Variants in SH3D19 observed in about 807,000 individuals in gnomAD.
SH3D19 encodes the protein SH3 domain-containing protein 19.
A neutral mutation model predicts 112.1 loss-of-function variants in SH3D19; 58 were observed. The ratio of observed to expected loss-of-function variants is 0.52; its 90% CI spans 0.42 to 0.64. SH3D19 has a LOEUF of 0.64. SH3D19 is among the 30% of genes least tolerant of loss of function. SH3D19 has a pLI of 0.00. For missense variants in SH3D19, 1,090 were observed against 1,263.4 expected (o/e 0.86, Z 2.08); for synonymous variants, 391 against 448.5 (o/e 0.87, Z 1.62).
At chr4:151,221,356 T>C (rs1768009193) in intron 2 of SH3D19, among the ~76,000 whole-genome samples, 1 of 152,254 alleles carries the variant, frequency 6.6e-6, no homozygotes, top group African/African-American at 2.4e-5. Context: ...TTCTGCTCTG[T>C]TGATGCAGCA....
intron 1 of SH3D19, among the ~76,000 whole-genome samples, chr4:151,277,819 T>C (rs943406976): frequency 6.6e-6 from 1 of 152,158 alleles, no homozygotes; most frequent in Admixed American, 6.5e-5. Context: ...GGCGGGCAGA[T>C]CACCTGAGAT....
intron 1 of SH3D19, among the ~76,000 whole-genome samples, chr4:151,238,172 C>G (rs984386661): frequency 2.0e-5 from 3 of 152,130 alleles, no homozygotes; most frequent in Non-Finnish European, 2.9e-5. Context: ...TTAGTCCTCA[C>G]TGTCATTTTC....
In SH3D19 at chr4:151,325,366, G is replaced by A. The variant is rs1730950280; in HGVS notation, c.-14C>T. The A allele has an allele frequency of 2.5e-6, 3 of 1,194,940 alleles. No homozygotes were observed. Among genetic ancestry groups the A allele is most frequent in the South Asian group, 4.2e-5 (1 of 23,874 alleles). The allele number at this position is 1,194,940 out of a possible 1,614,324, so 74.0% of individuals were successfully genotyped here. A position where few individuals can be genotyped will look rare whatever the true frequency, so the allele number is the denominator to read the frequency against. The stretch of plus-strand genomic sequence containing the variant: ...GCCCTCAGCCATGGGCGAGGCGCGG[G>A]GCGCAGCCGCGGGATGGCCAGCGAG... On this transcript the variant is annotated 5_prime_UTR_variant, in exon 1 of 20. Transcript: ENST00000604030.
intron 1 of SH3D19, among the ~76,000 whole-genome samples, chr4:151,233,508 A>G (rs1461349336): frequency 1.3e-5 from 2 of 152,036 alleles, no homozygotes; most frequent in Non-Finnish European, 2.9e-5. Flanking sequence ...CCTTTCCTCC[A>G]ATAGTGTAGC....
chr4:151,180,048 A>C (rs1019045327), intron 3 of SH3D19, among the ~76,000 whole-genome samples: 6 of 152,064 alleles, frequency 3.9e-5, no homozygotes, highest in Non-Finnish European at 5.9e-5. Context: ...ATGCCTTGGT[A>C]ATTTTTTGTA....
intron 1 of SH3D19, among the ~76,000 whole-genome samples, chr4:151,249,387 G>A (rs1771187935): frequency 6.6e-6 from 1 of 152,120 alleles, no homozygotes; most frequent in South Asian, 2.1e-4. Context: ...TTAATTGGAT[G>A]GAGATCATAA....
chr4:151,251,008 T>TATC (rs1771335706), intron 1 of SH3D19, among the ~76,000 whole-genome samples: 1 of 152,106 alleles, frequency 6.6e-6, no homozygotes, highest in South Asian at 2.1e-4. Flanking sequence ...AGCCCTCACC[T>TATC]ATCCCTCCTC....
chr4:151,258,597 C>T (rs969328261), intron 1 of SH3D19, among the ~76,000 whole-genome samples: 3 of 152,202 alleles, frequency 2.0e-5, no homozygotes, highest in Non-Finnish European at 2.9e-5. Flanking sequence ...TTCTTACCTC[C>T]CATCACCCAC....
At chr4:151,149,652 A>G in intron 9 of SH3D19, 91 bp from the exon 10 acceptor site, 2 of 1,107,826 alleles carry the variant, frequency 1.8e-6, no homozygotes, top group South Asian at 2.8e-5. Flanking sequence ...GGCTGGATCT[A>G]CAAGTAGAAA....
At chr4:151,182,504 T>C (rs146211473) in intron 3 of SH3D19, among the ~76,000 whole-genome samples, 2,494 of 152,342 alleles carry the variant, frequency 0.016, 44 homozygotes, top group Middle Eastern at 0.034. Flanking sequence ...AGAGTGGCAC[T>C]GCCGCTGAAG....
intron 1 of SH3D19, among the ~76,000 whole-genome samples, chr4:151,258,289 A>C (rs1772098589): frequency 6.6e-6 from 1 of 152,232 alleles, no homozygotes; most frequent in Non-Finnish European, 1.5e-5. Flanking sequence ...ACTGGTCAGA[A>C]AACTGACTGG....
intron 1 of SH3D19, among the ~76,000 whole-genome samples, chr4:151,245,143 CA>C (rs1168475729): frequency 8.3e-6 from 1 of 120,928 alleles, no homozygotes; most frequent in Admixed American, 8.5e-5. Flanking sequence ...AACTCCATCT[CA>C]AAAAAATAAA....
rs1764212333 is a variant in SH3D19, at chr4:151,200,286, A to T, written c.153-12823T>A. On this transcript the variant is annotated intron_variant, in intron 2 of 19. Transcript: ENST00000604030. ...CACACCCCACACACATATTTGTATA[A>T]TTACATTTATACAAAAAAAGTGAGA... is the stretch of plus-strand genomic sequence containing the variant. 2.0e-5 allele frequency among the ~76,000 whole-genome samples: 3 copies of T among 152,178 alleles called. No homozygotes were observed. In the South Asian group the frequency reaches 6.2e-4, roughly 32 times the overall value.
At chr4:151,173,699 T>C (rs923794768) in intron 7 of SH3D19, among the ~76,000 whole-genome samples, 6 of 152,228 alleles carry the variant, frequency 3.9e-5, no homozygotes, top group African/African-American at 1.4e-4. Flanking sequence ...GAATATTTAA[T>C]AATGTGTATG....
At chr4:151,234,735 G>GTTTTTTTTT (rs541665981) in intron 1 of SH3D19, among the ~76,000 whole-genome samples, 8 of 25,076 alleles carry the variant, frequency 3.2e-4, no homozygotes, top group Admixed American at 6.7e-4. Context: ...CCAAGTTTGT[G>GTTTTTTTTT]TTTTTTTTTT....
At chr4:151,222,448 T>A (rs959880080) in intron 2 of SH3D19, among the ~76,000 whole-genome samples, 2 of 152,202 alleles carry the variant, frequency 1.3e-5, no homozygotes, top group African/African-American at 4.8e-5. Flanking sequence ...CATTAATACT[T>A]TGGCATATAT....
At chr4:151,197,068 A>G (rs1193057440) in intron 2 of SH3D19, among the ~76,000 whole-genome samples, 1 of 152,236 alleles carries the variant, frequency 6.6e-6, no homozygotes, top group Non-Finnish European at 1.5e-5. Context: ...TAGTACAGCC[A>G]CTATGGAAAA....
intron 1 of SH3D19, among the ~76,000 whole-genome samples, chr4:151,274,949 T>C (rs1336235725): frequency 6.6e-6 from 1 of 152,170 alleles, no homozygotes; most frequent in Non-Finnish European, 1.5e-5. Context: ...TACATGACAT[T>C]TCCTCTTCTA....
intron 1 of SH3D19, among the ~76,000 whole-genome samples, chr4:151,230,706 C>T (rs765864556): frequency 6.6e-6 from 1 of 151,568 alleles, no homozygotes; most frequent in African/African-American, 2.4e-5. Flanking sequence ...GATTCTTCTG[C>T]CTCAGCTGGG....
Sources: gnomAD v4.1 joint callset for allele counts (sites outside exome capture counted in the v4.1 genomes callset) on GRCh38, gnomAD v4.1.1 for gene constraint, MANE v1.5 for transcripts, NCBI Gene and HGNC (gene_info 2026-07-23, HGNC 2026-07-21) for gene names.